Variants in KCNIP4 observed in about 807,000 individuals in gnomAD.
KCNIP4 encodes potassium voltage-gated channel interacting protein 4.
Under a neutral mutation model 34.0 loss-of-function variants are expected in KCNIP4, and 12 were observed. That is an observed-to-expected ratio of 0.35 (90% confidence interval 0.23 to 0.57). KCNIP4 has a LOEUF of 0.57. Among genes scored for constraint, KCNIP4 ranks in the 20% least tolerant of loss-of-function variants. The probability of loss-of-function intolerance (pLI) is 0.83; values close to 1 mark genes in which losing one functional copy is unlikely to be tolerated. For synonymous variants in KCNIP4, 124 were observed against 102.2 expected (o/e 1.21, Z -1.29); for missense variants, 238 against 311.7 (o/e 0.76, Z 1.78).
chr4:21,188,932 A>G (rs1435850116), intron 1 of KCNIP4, among the ~76,000 whole-genome samples: 1 of 152,228 alleles, frequency 6.6e-6, no homozygotes, highest in Non-Finnish European at 1.5e-5. Flanking sequence ...AAGGCAGAAC[A>G]GGTTGTGGTG....
intron 1 of KCNIP4, among the ~76,000 whole-genome samples, chr4:21,263,053 A>G (rs1392893825): frequency 6.6e-6 from 1 of 152,156 alleles, no homozygotes; most frequent in Non-Finnish European, 1.5e-5. Context: ...TCTGGTTTCC[A>G]TGATGTCCAT....
chr4:21,265,598 C>G (rs1406872023), intron 1 of KCNIP4, among the ~76,000 whole-genome samples: 1 of 152,096 alleles, frequency 6.6e-6, no homozygotes, highest in African/African-American at 2.4e-5. Flanking sequence ...TAGCAACAGA[C>G]AAGCCAATTT....
At chr4:21,474,527 T>TA (rs1730751244) in intron 1 of KCNIP4, among the ~76,000 whole-genome samples, 1 of 152,174 alleles carries the variant, frequency 6.6e-6, no homozygotes, top group African/African-American at 2.4e-5. Context: ...AAAGTCTCCC[T>TA]ACTCTCCCTT....
intron 1 of KCNIP4, among the ~76,000 whole-genome samples, chr4:21,150,424 G>A (rs1054829121): frequency 6.9e-6 from 1 of 144,838 alleles, no homozygotes; most frequent in African/African-American, 2.9e-5. Flanking sequence ...CTGATGTTCT[G>A]GGATGGCTCC....
intron 1 of KCNIP4, among the ~76,000 whole-genome samples, chr4:21,596,520 A>AT (rs1156577676): frequency 2.6e-5 from 4 of 152,096 alleles, no homozygotes; most frequent in African/African-American, 9.7e-5. Context: ...GTCAAATCAA[A>AT]TTGTGTGTGC....
chr4:21,352,771 AG>A (rs1560318363), intron 1 of KCNIP4, among the ~76,000 whole-genome samples: 1 of 152,220 alleles, frequency 6.6e-6, no homozygotes, highest in East Asian at 1.9e-4. Context: ...TGAAGAGAGC[AG>A]TGGTTCTCCC....
At chr4:20,747,312 T>G (rs1042188465) in intron 5 of KCNIP4, among the ~76,000 whole-genome samples, 1 of 152,160 alleles carries the variant, frequency 6.6e-6, no homozygotes, top group Non-Finnish European at 1.5e-5. Context: ...GCCTTACTCA[T>G]CCTCTGGAAG....
At chr4:20,916,777 G>A (rs1728853827) in intron 1 of KCNIP4, among the ~76,000 whole-genome samples, 1 of 151,080 alleles carries the variant, frequency 6.6e-6, no homozygotes, top group Non-Finnish European at 1.5e-5. Context: ...TGCAGCAACA[G>A]TTAAGCCAAA....
chr4:20,935,575 C>T (rs1279144162), intron 1 of KCNIP4, among the ~76,000 whole-genome samples: 2 of 152,166 alleles, frequency 1.3e-5, no homozygotes, highest in Non-Finnish European at 2.9e-5. Flanking sequence ...CTCTACACTG[C>T]CTTAAAGGAA....
At chr4:21,071,272 A>C (rs1744890704) in intron 1 of KCNIP4, among the ~76,000 whole-genome samples, 1 of 152,138 alleles carries the variant, frequency 6.6e-6, no homozygotes, top group South Asian at 2.1e-4. Context: ...TTTTTGTATA[A>C]AGGGTGAAGT....
chr4:21,675,363 T>C (rs1749808555), intron 1 of KCNIP4, among the ~76,000 whole-genome samples: 1 of 151,984 alleles, frequency 6.6e-6, no homozygotes, highest in South Asian at 2.1e-4. Context: ...AAAGAATGAA[T>C]AAGACCTACT....
chr4:21,194,035 A>G (rs1755874629), intron 1 of KCNIP4, among the ~76,000 whole-genome samples: 2 of 152,208 alleles, frequency 1.3e-5, no homozygotes, highest in Admixed American at 1.3e-4. Flanking sequence ...GAACACGTGG[A>G]AGCACAGAGA....
chr4:20,740,103 G>A (rs561504505), intron 5 of KCNIP4, among the ~76,000 whole-genome samples: 14 of 152,244 alleles, frequency 9.2e-5, no homozygotes, highest in Admixed American at 5.2e-4. Flanking sequence ...CCAAATCTAC[G>A]TCTGATTGGT....
chr4:21,634,169 T>C (rs1375277983), intron 1 of KCNIP4, among the ~76,000 whole-genome samples: 14 of 150,286 alleles, frequency 9.3e-5, no homozygotes, highest in Admixed American at 5.3e-4. Context: ...GAAGTTACTA[T>C]GTTATCCACT....
At chr4:21,879,607 G>A (rs1726347360) in intron 1 of KCNIP4, among the ~76,000 whole-genome samples, 1 of 152,174 alleles carries the variant, frequency 6.6e-6, no homozygotes, top group Admixed American at 6.5e-5. Context: ...GAAAACACAG[G>A]AAAGTATCAA....
At chr4:21,659,096 C>T (rs1306603211) in intron 1 of KCNIP4, among the ~76,000 whole-genome samples, 2 of 152,134 alleles carry the variant, frequency 1.3e-5, no homozygotes, top group East Asian at 3.9e-4. Flanking sequence ...TGCTTTTGTG[C>T]ATTTTATGGT....
intron 1 of KCNIP4, among the ~76,000 whole-genome samples, chr4:21,297,259 G>T (rs925856829): frequency 2.6e-5 from 4 of 151,930 alleles, no homozygotes; most frequent in Non-Finnish European, 5.9e-5. Context: ...CATCTGTGGG[G>T]TATCTGAACT....
intron 1 of KCNIP4, among the ~76,000 whole-genome samples, chr4:21,591,487 A>T (rs1742216540): frequency 6.6e-6 from 1 of 152,024 alleles, no homozygotes. Flanking sequence ...AATAATGCAA[A>T]TCACTTTTGT....
intron 1 of KCNIP4, among the ~76,000 whole-genome samples, chr4:21,339,209 AGT>A (rs1716484988): frequency 6.6e-6 from 1 of 152,250 alleles, no homozygotes; most frequent in African/African-American, 2.4e-5. Flanking sequence ...ATGATAGCTC[AGT>A]GTTATCCAAT....
Sources: allele counts gnomAD v4.1 joint callset (sites outside exome capture counted in the v4.1 genomes callset), GRCh38; gene constraint gnomAD v4.1.1; transcripts MANE v1.5; gene names NCBI Gene and HGNC (gene_info 2026-07-23, HGNC 2026-07-21).